The following SDF4 variants were observed in gnomAD, a reference collection of about 807,000 sequenced individuals.
The protein encoded by SDF4 is 45 kDa calcium-binding protein.
A neutral mutation model predicts 34.2 loss-of-function variants in SDF4; 22 were observed. The observed-to-expected ratio is 0.64, with a 90% CI of 0.46 to 0.92. SDF4 has a LOEUF of 0.92. Among genes scored for constraint, SDF4 ranks in the 40% least tolerant of loss-of-function variants. The pLI is 0.00. For synonymous variants in SDF4, 236 were observed against 203.1 expected, an observed-to-expected ratio of 1.16 and a Z score of -1.38; for missense variants, 447 against 499.9, an observed-to-expected ratio of 0.89 and a Z score of 1.01.
In SDF4 at chr1:1,217,754, G is replaced by C. The variant is rs151100143; in HGVS notation, c.892-66C>G. The C allele has an allele frequency of 2.5e-6, 4 of 1,607,320 alleles. No individual in the cohort carries two copies. The highest frequency in any genetic ancestry group is 3.4e-6 in the Non-Finnish European group (4 of 1,177,756). On this transcript the variant is annotated intron_variant, in intron 6 of 6. Transcript: ENST00000360001. This position sits in a 1 kb window ranked among gnomAD's most constrained non-coding sequence, Gnocchi z 8.5. ...CTCCGAGCTCCGCGGCCAGCCGCAC[G>C]AAGTGGCTATTTAAGGTGCCTATTG...
chr1:1,220,316 G>T (rs1330918284), intron 4 of SDF4: 1 of 1,100,758 alleles, frequency 9.1e-7, no homozygotes, highest in African/African-American at 1.6e-5. Context: ...GGAGGCGGGG[G>T]AAGGGAGTGA....
At chr1:1,224,342 C>T (rs1246883117) in intron 2 of SDF4, among the ~76,000 whole-genome samples, 1 of 152,200 alleles carries the variant, frequency 6.6e-6, no homozygotes, top group African/African-American at 2.4e-5. Flanking sequence ...TGTGGTGGCG[C>T]AATCTTTGCT....
intron 4 of SDF4, 46 bp downstream of exon 4, chr1:1,223,198 C>G (rs750270080): frequency 7.4e-7 from 1 of 1,343,286 alleles, no homozygotes; most frequent in Non-Finnish European, 1.1e-6. Context: ...CGCGCGCACA[C>G]ACAGGATGCC....
At chr1:1,219,233 G>A in intron 4 of SDF4, 1 of 1,142,562 alleles carries the variant, frequency 8.8e-7, no homozygotes, top group Non-Finnish European at 1.1e-6. Flanking sequence ...CCCAATACAT[G>A]GATGGCCCTG....
At chr1:1,223,997 G>A (rs756119476) in intron 2 of SDF4, 29 bp from the exon 3 acceptor site, 75 of 1,605,648 alleles carry the variant, frequency 4.7e-5, no homozygotes, top group Middle Eastern at 1.6e-4. Flanking sequence ...GCAGGTGGCC[G>A]TCAGACTGGG....
rs1005292667 is a variant in SDF4, at chr1:1,220,766, G to A, written c.557-1839C>T. ...AAGACCCAAATAAAGTGGCACCAAG[G>A]AAAGACAGACACAATCAGAGTTGGG... On this transcript the variant is annotated intron_variant, in intron 4 of 6. Coordinates refer to ENST00000360001, the MANE Select transcript of SDF4 (RefSeq NM_016176.6). The A allele has an allele frequency of 8.5e-6, 11 of 1,288,856 alleles. No homozygotes were observed. The East Asian group carries it at 6.1e-4, about 71-fold the overall frequency. 79.8% of individuals were successfully genotyped at this position (1,288,856 alleles called of 1,614,324 possible).
At chr1:1,223,128 A>G (rs1434577725) in intron 4 of SDF4, 116 bp downstream of exon 4, 1 of 750,950 alleles carries the variant, frequency 1.3e-6, no homozygotes, top group African/African-American at 1.7e-5. Context: ...CGTACTCACG[A>G]GCACACGCAC....
At position 1,218,278 on chromosome 1, in the gene SDF4, C is replaced by T. The variant is rs149506030; in HGVS notation, c.891+180G>A. ...TGTCTCTGATCCGTCTGAACCTAAA[C>T]GCCAACAACGGCCATGCAGCCTGGT... On this transcript the variant is annotated intron_variant, in intron 6 of 6. Coordinates refer to ENST00000360001, the MANE Select transcript of SDF4 (RefSeq NM_016176.6). This position sits in a 1 kb window ranked among gnomAD's most constrained non-coding sequence, Gnocchi z 7.9. 5.5e-3 allele frequency among the ~76,000 whole-genome samples: 844 copies of T among 152,208 alleles called. 5 individuals carry two copies. Among genetic ancestry groups the T allele is most frequent in the Middle Eastern group, 0.027 (8 of 294 alleles).
chr1:1,224,299 A>C (rs1638227961), intron 2 of SDF4, among the ~76,000 whole-genome samples: 1 of 151,924 alleles, frequency 6.6e-6, no homozygotes, highest in African/African-American at 2.4e-5. Context: ...TTATTTTTTG[A>C]GATGGAGTCT....
At chr1:1,221,205 C>T (rs992614823) in intron 4 of SDF4, 6 of 178,908 alleles carry the variant, frequency 3.4e-5, no homozygotes, top group Non-Finnish European at 5.9e-5. Flanking sequence ...AAAGTCTCCG[C>T]GTCATTCTAG....
intron 2 of SDF4, among the ~76,000 whole-genome samples, chr1:1,226,373 G>A (rs1638309302): frequency 8.3e-6 from 1 of 119,916 alleles, no homozygotes; most frequent in East Asian, 2.8e-4. Context: ...CCTCCCCTCT[G>A]GGGGCTCTTT....
chr1:1,217,690 T>C lies in SDF4; in HGVS notation c.892-2A>G, dbSNP rs1649604082. ...CTCGTTCATGGGGTCCATGTAGCTC[T>C]GCGGGCGAGCGGGGCACAGGTCAGC... On this transcript the variant is annotated splice_acceptor_variant, in intron 6 of 6. Transcript: ENST00000360001. LOFTEE classifies it high-confidence loss of function. This position sits in a 1 kb window ranked among gnomAD's most constrained non-coding sequence, Gnocchi z 8.5. The C allele has an allele frequency of 3.1e-6, 5 of 1,613,638 alleles. No homozygotes were observed. The highest frequency in any genetic ancestry group is 4.2e-6 in the Non-Finnish European group (5 of 1,179,898).
intron 2 of SDF4, among the ~76,000 whole-genome samples, chr1:1,227,975 T>C (rs55701216): frequency 0.11 from 17,438 of 152,206 alleles, 1,142 homozygotes; most frequent in East Asian, 0.17. Context: ...CTGCGTGTGA[T>C]ACGCGGCCCG....
At chr1:1,225,559 C>T (rs1228617209) in intron 2 of SDF4, among the ~76,000 whole-genome samples, 1 of 152,200 alleles carries the variant, frequency 6.6e-6, no homozygotes, top group Non-Finnish European at 1.5e-5. Context: ...TGGGAGGCAC[C>T]CTCAGCTCCA....
chr1:1,225,154 G>A (rs944881833), intron 2 of SDF4, among the ~76,000 whole-genome samples: 1 of 152,188 alleles, frequency 6.6e-6, no homozygotes, highest in Admixed American at 6.5e-5. Flanking sequence ...GGAAGCCACA[G>A]GCTCCTACCC....
rs202017383 is a variant in SDF4 at position 1,218,672 on chromosome 1, G to A, written c.716-39C>T. 1.6e-4 allele frequency: 257 copies of A among 1,612,662 alleles called. 1 individual carries two copies. The South Asian group carries it at 1.8e-3, about 11-fold the overall frequency. ...ATGGGTCAGCCCACACCCAGGCTGG[G>A]GCTCCCGCAGGACCTGCCCCGACCT... On this transcript the variant is annotated intron_variant, in intron 5 of 6. Transcript: ENST00000360001. The surrounding 1 kb of genome is among the most constrained non-coding windows in gnomAD (Gnocchi z 7.9).
chr1:1,220,592 G>A (rs1375789274), intron 4 of SDF4: 14 of 1,287,018 alleles, frequency 1.1e-5, no homozygotes, highest in Non-Finnish European at 1.4e-5. Flanking sequence ...GGACACGGGT[G>A]GGCAGGGAAC....
At chr1:1,226,336 C>G (rs1638308135) in intron 2 of SDF4, among the ~76,000 whole-genome samples, 1 of 134,016 alleles carries the variant, frequency 7.5e-6, no homozygotes, top group South Asian at 2.3e-4. Context: ...AACCCTCAAC[C>G]CTGTACGGTC....
chr1:1,218,934 G>A lies in SDF4; in HGVS notation c.557-7C>T, dbSNP rs563946470. Reference sequence around the variant, plus strand: ...TTCTCCAGGACTTCCTGTGCTGAGAGGGGCGCAGCCTGTGGGTATCGAGGC... The same window carrying A: ...TTCTCCAGGACTTCCTGTGCTGAGAAGGGCGCAGCCTGTGGGTATCGAGGC... On this transcript the variant is annotated splice_polypyrimidine_tract_variant and splice_region_variant and intron_variant, in intron 4 of 6. Transcript: ENST00000360001. The surrounding 1 kb of genome is among the most constrained non-coding windows in gnomAD (Gnocchi z 7.9). 61 of 1,609,976 alleles carry A rather than the reference G, an allele frequency of 3.8e-5. No individual in the cohort carries two copies. In the African/African-American group the frequency reaches 7.6e-4, roughly 20 times the overall value.
Sources: allele counts gnomAD v4.1 joint callset (sites outside exome capture counted in the v4.1 genomes callset), GRCh38; gene constraint gnomAD v4.1.1; non-coding constraint Gnocchi (gnomAD v3.1); transcripts MANE v1.5; gene names NCBI Gene and HGNC (gene_info 2026-07-23, HGNC 2026-07-21).